Variants in GRIK3 observed in about 807,000 individuals in gnomAD.
The protein encoded by GRIK3 is glutamate receptor ionotropic, kainate 3.
A neutral mutation model predicts 102.5 loss-of-function variants in GRIK3; 29 were observed. That is an observed-to-expected ratio of 0.28 (90% CI 0.21 to 0.39). GRIK3 has a LOEUF of 0.39. Among genes scored for constraint, GRIK3 ranks in the 10% least tolerant of loss-of-function variants. The pLI is 1.00. For synonymous variants in GRIK3, 511 were observed against 504.9 expected (o/e 1.01, Z -0.16); for missense variants, 908 against 1,252.4 (o/e 0.73, Z 4.15).
At chr1:36,951,061 G>A (rs1288265185) in intron 1 of GRIK3, among the ~76,000 whole-genome samples, 5 of 152,242 alleles carry the variant, frequency 3.3e-5, no homozygotes, top group African/African-American at 1.2e-4. Context: ...GCCCAGGAAA[G>A]GAGAAGGTCT....
At chr1:36,985,795 CTGCCACAGAGTTGTG>C (rs1207704658) in intron 1 of GRIK3, among the ~76,000 whole-genome samples, 1 of 152,218 alleles carries the variant, frequency 6.6e-6, no homozygotes, top group Non-Finnish European at 1.5e-5. Flanking sequence ...CCCAGAACTC[CTGCCACAGAGTTGTG>C]TGTGGGCTCC....
At chr1:36,971,834 T>C (rs1365649055) in intron 1 of GRIK3, among the ~76,000 whole-genome samples, 1 of 152,176 alleles carries the variant, frequency 6.6e-6, no homozygotes, top group African/African-American at 2.4e-5. Flanking sequence ...CCTTTTCTTC[T>C]GCTCTTCTTG....
intron 1 of GRIK3, among the ~76,000 whole-genome samples, chr1:37,031,859 C>T (rs907198877): frequency 6.6e-6 from 1 of 152,182 alleles, no homozygotes; most frequent in Non-Finnish European, 1.5e-5. Context: ...AGCAGGGGCT[C>T]AGAAGGACAG....
intron 2 of GRIK3, among the ~76,000 whole-genome samples, 194 bp from the exon 3 acceptor site, chr1:36,881,085 C>G (rs1447173103): frequency 6.6e-6 from 1 of 152,138 alleles, no homozygotes; most frequent in Non-Finnish European, 1.5e-5. Context: ...CCTTGCAAGA[C>G]CACATGAAGG....
intron 1 of GRIK3, among the ~76,000 whole-genome samples, chr1:37,017,692 T>C (rs184017514): frequency 6.6e-6 from 1 of 152,318 alleles, no homozygotes; most frequent in African/African-American, 2.4e-5. Context: ...AATAGGCTTG[T>C]CAAACCTTAG....
chr1:37,008,827 T>C (rs537615), intron 1 of GRIK3, among the ~76,000 whole-genome samples: 65,126 of 152,092 alleles, frequency 0.43, 15,759 homozygotes, highest in African/African-American at 0.65. Context: ...GTAGCCAATA[T>C]CTTGCCCTGA....
chr1:36,986,514 T>G (rs1408989349), intron 1 of GRIK3, among the ~76,000 whole-genome samples: 1 of 151,298 alleles, frequency 6.6e-6, no homozygotes, highest in Non-Finnish European at 1.5e-5. Flanking sequence ...ATCCATTAAT[T>G]AAGGTCATGT....
chr1:36,971,657 T>A (rs1337920546), intron 1 of GRIK3, among the ~76,000 whole-genome samples: 1 of 152,146 alleles, frequency 6.6e-6, no homozygotes, highest in East Asian at 1.9e-4. Context: ...TCTTGGCAGC[T>A]CCTAGAACCT....
chr1:37,030,530 TC>T (rs1491125931), intron 1 of GRIK3, among the ~76,000 whole-genome samples: 1 of 90,036 alleles, frequency 1.1e-5, no homozygotes, highest in Non-Finnish European at 2.3e-5. Context: ...CCCTTCCTTT[TC>T]CCCACCCCCC....
rs552488 is a variant in GRIK3 at position 36,942,219 on chromosome 1, G to A, written c.116-51123C>T. Among the ~76,000 whole-genome samples, 1,378 of 152,298 alleles carry A rather than the reference G, an allele frequency of 9.0e-3. 21 individuals carry two copies. The highest frequency in any genetic ancestry group is 0.03 in the African/African-American group (1,254 of 41,570). On this transcript the variant is annotated intron_variant, in intron 1 of 15. Coordinates refer to ENST00000373091, the MANE Select transcript of GRIK3 (RefSeq NM_000831.4). ...ACACATTGAATTCTCCGTCGAGCAGGTCTCTGTGCTGGTGATGATGCTGGC... is the reference window on the plus strand; with the variant it reads ...ACACATTGAATTCTCCGTCGAGCAGATCTCTGTGCTGGTGATGATGCTGGC...
At chr1:36,986,208 G>A (rs757642681) in intron 1 of GRIK3, among the ~76,000 whole-genome samples, 1 of 152,166 alleles carries the variant, frequency 6.6e-6, no homozygotes, top group Non-Finnish European at 1.5e-5. Flanking sequence ...GTAGAAAGCT[G>A]ATCAGTCTTA....
chr1:36,830,700 C>T (rs1436694739), intron 10 of GRIK3, among the ~76,000 whole-genome samples: 1 of 149,636 alleles, frequency 6.7e-6, no homozygotes, highest in Admixed American at 6.8e-5. Flanking sequence ...ATCCCACCTA[C>T]TTGGGAGGCT....
At position 36,819,900 on chromosome 1, in the gene GRIK3, T is replaced by A; in HGVS notation, c.1755-46A>T. The A allele has an allele frequency of 1.0e-6, 1 of 966,728 alleles. No individual in the cohort carries two copies. Among genetic ancestry groups the A allele is most frequent in the Non-Finnish European group, 1.6e-6 (1 of 608,136 alleles). 59.9% of individuals were successfully genotyped at this position (966,728 alleles called of 1,614,324 possible). A position where few individuals can be genotyped will look rare whatever the true frequency, so the allele number is the denominator to read the frequency against. On this transcript the variant is annotated intron_variant, in intron 11 of 15. Coordinates refer to ENST00000373091, the MANE Select transcript of GRIK3 (RefSeq NM_000831.4). The surrounding 1 kb of genome is among the most constrained non-coding windows in gnomAD (Gnocchi z 4.1). ...CAGTCAGCCTGGGAAGCAAGGGGCATCCACGCCCCAGCAGGCAGTGGTTTA... is the reference window on the plus strand; with the variant it reads ...CAGTCAGCCTGGGAAGCAAGGGGCAACCACGCCCCAGCAGGCAGTGGTTTA...
chr1:36,855,981 A>C (rs1640646389), intron 7 of GRIK3, among the ~76,000 whole-genome samples: 1 of 152,274 alleles, frequency 6.6e-6, no homozygotes. Flanking sequence ...TCGTTGCAGT[A>C]GCAGTGCTGA....
intron 1 of GRIK3, among the ~76,000 whole-genome samples, chr1:36,980,024 C>T (rs1642233574): frequency 6.6e-6 from 1 of 152,222 alleles, no homozygotes; most frequent in African/African-American, 2.4e-5. Flanking sequence ...ACACCACAAG[C>T]TCACATATTC....
Position 36,871,254 on chromosome 1 carries a change from T to A in GRIK3, c.732+934A>T, listed in dbSNP as rs540525602. Among the ~76,000 whole-genome samples the A allele has an allele frequency of 5.3e-5, 8 of 152,274 alleles. No individual in the cohort carries two copies. The East Asian group carries it at 1.5e-3, about 29-fold the overall frequency. The stretch of plus-strand genomic sequence containing the variant: ...CTTTTAAGTGCGGTGTAAAGGAGCT[T>A]CCTTTGTGAGGAGCCAGGGATAGAG... On this transcript the variant is annotated intron_variant, in intron 4 of 15. Coordinates refer to ENST00000373091, the MANE Select transcript of GRIK3 (RefSeq NM_000831.4).
At position 36,854,571 on chromosome 1, in the gene GRIK3, G is replaced by C. The variant is rs1021761473; in HGVS notation, c.1105-849C>G. Among the ~76,000 whole-genome samples the C allele has an allele frequency of 7.2e-5, 11 of 152,276 alleles. No individual in the cohort carries two copies. The East Asian group carries it at 2.1e-3, about 29-fold the overall frequency. On this transcript the variant is annotated intron_variant, in intron 7 of 15. Transcript: ENST00000373091. ...TAGCGGGTCAACCTGGCCCCTGGCT[G>C]CTTCTGTAAATGGTTTATTAGCTCA...
chr1:36,882,964 G>T (rs964860907), intron 2 of GRIK3, among the ~76,000 whole-genome samples: 8 of 152,230 alleles, frequency 5.3e-5, no homozygotes, highest in Non-Finnish European at 1.2e-4. Flanking sequence ...TCACCTACCT[G>T]TGGACAGGGG....
intron 1 of GRIK3, among the ~76,000 whole-genome samples, chr1:37,008,568 T>C (rs1161129622): frequency 6.6e-6 from 1 of 152,248 alleles, no homozygotes; most frequent in Non-Finnish European, 1.5e-5. Context: ...CAATCTACTT[T>C]GCCACATCTT....
Sources: allele counts gnomAD v4.1 joint callset (sites outside exome capture counted in the v4.1 genomes callset), GRCh38; gene constraint gnomAD v4.1.1; non-coding constraint Gnocchi (gnomAD v3.1); transcripts MANE v1.5; gene names NCBI Gene and HGNC (gene_info 2026-07-23, HGNC 2026-07-21).